The following RIMS2 variants were observed in gnomAD, a reference collection of about 807,000 sequenced individuals.
RIMS2 encodes the protein regulating synaptic membrane exocytosis 2.
Under a neutral mutation model 174.4 loss-of-function variants are expected in RIMS2, and 59 were observed. The ratio of observed to expected loss-of-function variants is 0.34; its 90% CI spans 0.27 to 0.42. The LOEUF is 0.42. Among genes scored for constraint, RIMS2 ranks in the 10% least tolerant of loss-of-function variants. RIMS2 has a pLI of 1.00. For missense variants in RIMS2, 1,620 were observed against 1,666.3 expected (o/e 0.97, Z 0.48); for synonymous variants, 606 against 572.5 (o/e 1.06, Z -0.84).
chr8:103,524,543 C>A (rs1240439853), intron 1 of RIMS2, among the ~76,000 whole-genome samples: 1 of 152,162 alleles, frequency 6.6e-6, no homozygotes, highest in Non-Finnish European at 1.5e-5. Context: ...CAGGAAGACA[C>A]TACTGCTCCT....
chr8:103,995,366 C>T (rs1025042093), intron 17 of RIMS2, among the ~76,000 whole-genome samples: 1 of 151,952 alleles, frequency 6.6e-6, no homozygotes, highest in Non-Finnish European at 1.5e-5. Context: ...AATACTGGAA[C>T]AGATTGGAGA....
chr8:104,023,593 A>C (rs1157166225), intron 19 of RIMS2, among the ~76,000 whole-genome samples: 1 of 152,214 alleles, frequency 6.6e-6, no homozygotes, highest in Non-Finnish European at 1.5e-5. Context: ...ACTTGAGAAT[A>C]ATAGGTTGAG....
rs533928508 is a variant in RIMS2, at chr8:103,613,023, G to C, written c.177-84063G>C. Among the ~76,000 whole-genome samples the C allele has an allele frequency of 1.2e-4, 18 of 152,270 alleles. 1 individual carries two copies. The South Asian group carries it at 3.7e-3, about 31-fold the overall frequency. ...TCAGACCTGAAGCCAACAGAGCATT[G>C]GGTCTTACTTAAGTCCCTGGTTACC... On this transcript the variant is annotated intron_variant, in intron 1 of 23. Coordinates refer to ENST00000504942, the Ensembl canonical transcript of RIMS2.
intron 19 of RIMS2, among the ~76,000 whole-genome samples, chr8:104,064,259 A>G: frequency 6.6e-6 from 1 of 152,322 alleles, no homozygotes; most frequent in African/African-American, 2.4e-5. Context: ...GCTACAGAAT[A>G]TGTGATATGA....
At chr8:104,071,461 G>T (rs1368289257) in intron 19 of RIMS2, among the ~76,000 whole-genome samples, 2 of 152,076 alleles carry the variant, frequency 1.3e-5, no homozygotes, top group African/African-American at 4.8e-5. Context: ...TTGAGACAGA[G>T]TCTTGCTCTG....
chr8:103,721,604 AC>A (rs2097449760), intron 2 of RIMS2, among the ~76,000 whole-genome samples: 1 of 152,206 alleles, frequency 6.6e-6, no homozygotes, highest in Non-Finnish European at 1.5e-5. Flanking sequence ...AGCATACCTA[AC>A]TTCTTGTGAG....
chr8:104,125,053 A>G (rs1283917423), intron 19 of RIMS2, among the ~76,000 whole-genome samples: 1 of 152,120 alleles, frequency 6.6e-6, no homozygotes, highest in Non-Finnish European at 1.5e-5. Flanking sequence ...CACCCAGAAA[A>G]GAGAATCAGC....
At chr8:104,145,526 A>C (rs1242807663) in intron 19 of RIMS2, among the ~76,000 whole-genome samples, 1 of 151,880 alleles carries the variant, frequency 6.6e-6, no homozygotes, top group African/African-American at 2.4e-5. Context: ...CAAAACTTTA[A>C]AAATTTTGGT....
At chr8:103,906,618 T>C (rs2074473683) in intron 4 of RIMS2, among the ~76,000 whole-genome samples, 1 of 152,202 alleles carries the variant, frequency 6.6e-6, no homozygotes, top group African/African-American at 2.4e-5. Context: ...TATGTTTTTT[T>C]ATTTTCAGAG....
At chr8:103,677,726 G>T (rs2096832934) in intron 1 of RIMS2, among the ~76,000 whole-genome samples, 1 of 152,130 alleles carries the variant, frequency 6.6e-6, no homozygotes, top group Admixed American at 6.6e-5. Flanking sequence ...ATTGAGCAAA[G>T]AATGATTTGT....
chr8:104,190,976 G>A (rs2098994757), intron 19 of RIMS2, among the ~76,000 whole-genome samples: 1 of 151,166 alleles, frequency 6.6e-6, no homozygotes, highest in Admixed American at 6.6e-5. Context: ...TTCTGATGTG[G>A]GAAGCAGTAG....
intron 2 of RIMS2, among the ~76,000 whole-genome samples, chr8:103,724,185 C>G (rs2097496932): frequency 6.6e-6 from 1 of 152,072 alleles, no homozygotes; most frequent in African/African-American, 2.4e-5. Context: ...TGTGTTCCAC[C>G]CAGGTGCTAT....
chr8:103,681,409 C>T (rs567478453), intron 1 of RIMS2, among the ~76,000 whole-genome samples: 2 of 151,924 alleles, frequency 1.3e-5, no homozygotes, highest in East Asian at 3.9e-4. Flanking sequence ...GACTGGTTTC[C>T]TCAGGGAAGG....
intron 19 of RIMS2, among the ~76,000 whole-genome samples, chr8:104,071,137 C>T (rs1166737297): frequency 6.6e-6 from 1 of 152,034 alleles, no homozygotes; most frequent in Non-Finnish European, 1.5e-5. Context: ...ATTGGATGGA[C>T]CAAAGGAATA....
At chr8:103,655,000 G>A (rs2096508029) in intron 1 of RIMS2, among the ~76,000 whole-genome samples, 1 of 151,796 alleles carries the variant, frequency 6.6e-6, no homozygotes, top group Non-Finnish European at 1.5e-5. Flanking sequence ...TAATGATGAT[G>A]TAGGCTTCTT....
chr8:104,057,096 T>C (rs2096883322), intron 19 of RIMS2, among the ~76,000 whole-genome samples: 1 of 149,638 alleles, frequency 6.7e-6, no homozygotes, highest in Admixed American at 6.7e-5. Flanking sequence ...AGACAAGGTC[T>C]CACTCTGTCA....
intron 3 of RIMS2, among the ~76,000 whole-genome samples, chr8:103,795,189 T>C (rs2098539660): frequency 6.6e-6 from 1 of 152,172 alleles, no homozygotes; most frequent in Non-Finnish European, 1.5e-5. Flanking sequence ...CCAACCCAAA[T>C]GTCATCAATG....
chr8:103,795,318 C>T (rs2098540917), intron 3 of RIMS2, among the ~76,000 whole-genome samples: 1 of 151,586 alleles, frequency 6.6e-6, no homozygotes, highest in South Asian at 2.1e-4. Flanking sequence ...TCATTCTGAG[C>T]AAACTGTCGC....
chr8:103,908,981 C>T (rs1323653447), intron 4 of RIMS2, among the ~76,000 whole-genome samples: 1 of 152,126 alleles, frequency 6.6e-6, no homozygotes, highest in Non-Finnish European at 1.5e-5. Context: ...CTTTTTGGTT[C>T]AGAAACCATG....
Sources: allele counts gnomAD v4.1 joint callset (sites outside exome capture counted in the v4.1 genomes callset), GRCh38; gene constraint gnomAD v4.1.1; transcripts MANE v1.5; gene names NCBI Gene and HGNC (gene_info 2026-07-23, HGNC 2026-07-21).